SIK3: variants seen among roughly 807,000 people sequenced by gnomAD.
The protein encoded by SIK3 is SIK family kinase 3.
Under a neutral mutation model 144.2 loss-of-function variants are expected in SIK3, and 28 were observed. That is an observed-to-expected ratio of 0.19 (90% CI 0.14 to 0.27). The LOEUF (loss-of-function observed/expected upper bound fraction) is 0.27. Ranked by LOEUF, SIK3 falls within the 10% of genes least tolerant of loss-of-function variation. SIK3 has a pLI of 1.00. For synonymous variants in SIK3, 686 were observed against 676.3 expected, an observed-to-expected ratio of 1.01 and a Z score of -0.22; for missense variants, 1,319 against 1,776.0, an observed-to-expected ratio of 0.74 and a Z score of 4.62.
At chr11:117,015,578 AT>A (rs58062225) in intron 1 of SIK3, among the ~76,000 whole-genome samples, 56,709 of 139,780 alleles carry the variant, frequency 0.41, 14,016 homozygotes, top group African/African-American at 0.73. Context: ...TGTCCAGCTA[AT>A]TTTTTTTTTT....
intron 1 of SIK3, among the ~76,000 whole-genome samples, chr11:117,017,307 G>C (rs1194185436): frequency 6.6e-6 from 1 of 152,092 alleles, no homozygotes; most frequent in Admixed American, 6.6e-5. Context: ...CAAAAAGTTA[G>C]CATGTTGATT....
chr11:116,939,135 T>C (rs926449497), intron 3 of SIK3, among the ~76,000 whole-genome samples: 5 of 152,156 alleles, frequency 3.3e-5, no homozygotes, highest in Non-Finnish European at 7.3e-5. Context: ...AATCACCATT[T>C]TGCAACTTCT....
chr11:117,013,861 G>A (rs1367846029), intron 1 of SIK3, among the ~76,000 whole-genome samples: 4 of 110,856 alleles, frequency 3.6e-5, no homozygotes, highest in Admixed American at 3.5e-4. Context: ...TCACAGCCAG[G>A]TCCCCAAAAG....
intron 6 of SIK3, among the ~76,000 whole-genome samples, chr11:116,882,151 CA>C (rs1046092299): frequency 3.0e-4 from 46 of 152,050 alleles, no homozygotes; most frequent in African/African-American, 1.1e-3. Context: ...CAAAATGGGC[CA>C]GGCAAATAGA....
chr11:116,982,087 G>A (rs1950158024), intron 1 of SIK3, among the ~76,000 whole-genome samples: 1 of 152,080 alleles, frequency 6.6e-6, no homozygotes, highest in Non-Finnish European at 1.5e-5. Context: ...TCTGCATGCA[G>A]GACATCTTGG....
chr11:116,890,592 A>G (rs1467425767), intron 6 of SIK3, among the ~76,000 whole-genome samples: 3 of 152,276 alleles, frequency 2.0e-5, no homozygotes, highest in Non-Finnish European at 4.4e-5. Flanking sequence ...TGTGGAAGAC[A>G]TACAATGAAA....
At chr11:116,886,939 A>C (rs1944851641) in intron 6 of SIK3, among the ~76,000 whole-genome samples, 1 of 152,250 alleles carries the variant, frequency 6.6e-6, no homozygotes, top group East Asian at 1.9e-4. Flanking sequence ...TCAGGGTTTT[A>C]TCAAACTGCT....
chr11:116,910,983 T>C (rs78234966), intron 4 of SIK3, among the ~76,000 whole-genome samples: 12,772 of 152,096 alleles, frequency 0.084, 1,033 homozygotes, highest in African/African-American at 0.21. Flanking sequence ...CATAAAACAA[T>C]ATGGTGCCTG....
chr11:117,089,701 T>C (rs1955162282), intron 1 of SIK3, among the ~76,000 whole-genome samples: 2 of 152,176 alleles, frequency 1.3e-5, no homozygotes, highest in African/African-American at 2.4e-5. Flanking sequence ...GAGCTGAAAC[T>C]AGACAGAAAT....
chr11:117,003,291 A>G (rs902214965), intron 1 of SIK3, among the ~76,000 whole-genome samples: 1 of 152,212 alleles, frequency 6.6e-6, no homozygotes. Context: ...CTGTTCAAGA[A>G]GCCTTTAGTA....
intron 22 of SIK3, among the ~76,000 whole-genome samples, chr11:116,847,868 A>G (rs112579135): frequency 0.014 from 2,062 of 152,266 alleles, 61 homozygotes; most frequent in African/African-American, 0.046. Flanking sequence ...TGATACCTAC[A>G]TGGCCTTCTA....
rs147118271 is a variant in SIK3 at position 116,990,175 on chromosome 11, A to C, written c.274-33111T>G. On this transcript the variant is annotated intron_variant, in intron 1 of 24. Transcript: ENST00000445177. ...CTATGCAACTTCTTGGCAGCAATACATGTACTTACCAATACCAATCACTGT... is the reference window on the plus strand; with the variant it reads ...CTATGCAACTTCTTGGCAGCAATACCTGTACTTACCAATACCAATCACTGT... Among the ~76,000 whole-genome samples, 63 of 152,336 alleles carry C rather than the reference A, an allele frequency of 4.1e-4. 2 individuals are homozygous for C. The East Asian group carries it at 0.012, about 29-fold the overall frequency.
At chr11:116,957,361 C>T (rs1219093923) in intron 1 of SIK3, among the ~76,000 whole-genome samples, 1 of 152,086 alleles carries the variant, frequency 6.6e-6, no homozygotes. Context: ...GATGTCGTTA[C>T]GGTCTGGGTC....
At chr11:117,073,153 A>T (rs1042075132) in intron 1 of SIK3, among the ~76,000 whole-genome samples, 3 of 152,184 alleles carry the variant, frequency 2.0e-5, no homozygotes, top group Admixed American at 2.0e-4. Flanking sequence ...GAGGGAAGGG[A>T]GCATTGGAAA....
chr11:117,079,683 GA>G (rs1487414912), intron 1 of SIK3, among the ~76,000 whole-genome samples: 8 of 149,476 alleles, frequency 5.4e-5, no homozygotes, highest in Non-Finnish European at 1.0e-4. Context: ...AAAAGTAGTT[GA>G]AAAAAATGGG....
intron 1 of SIK3, among the ~76,000 whole-genome samples, chr11:116,976,019 G>T (rs1054460419): frequency 6.6e-6 from 1 of 152,050 alleles, no homozygotes; most frequent in African/African-American, 2.4e-5. Flanking sequence ...ACTTTGAGGG[G>T]CATTACACAT....
At chr11:117,084,478 C>T (rs1954921970) in intron 1 of SIK3, among the ~76,000 whole-genome samples, 2 of 152,184 alleles carry the variant, frequency 1.3e-5, no homozygotes, top group South Asian at 4.1e-4. Context: ...GTTGGCCAGG[C>T]TGGTCTGGAA....
intron 6 of SIK3, among the ~76,000 whole-genome samples, 188 bp from the exon 7 acceptor site, chr11:116,877,230 A>C (rs557840291): frequency 4.6e-5 from 7 of 152,262 alleles, no homozygotes; most frequent in Non-Finnish European, 7.4e-5. Context: ...AGGCAGAGAG[A>C]GGTGGAGAAA....
intron 1 of SIK3, among the ~76,000 whole-genome samples, chr11:117,041,457 C>T (rs531102313): frequency 6.6e-6 from 1 of 152,206 alleles, no homozygotes; most frequent in Non-Finnish European, 1.5e-5. Context: ...TCTATATATT[C>T]CCAAACTTAT....
Sources: gnomAD v4.1 joint callset for allele counts (sites outside exome capture counted in the v4.1 genomes callset) on GRCh38, gnomAD v4.1.1 for gene constraint, MANE v1.5 for transcripts, NCBI Gene and HGNC (gene_info 2026-07-23, HGNC 2026-07-21) for gene names.